The following ATRNL1 variants were observed in gnomAD, a reference collection of about 807,000 sequenced individuals.
The protein encoded by ATRNL1 is attractin-like protein 1.
ATRNL1 carries 95 observed loss-of-function variants against 182.7 expected under a neutral mutation model. That is an observed-to-expected ratio of 0.52 (90% CI 0.44 to 0.62). ATRNL1 has a LOEUF of 0.62. Among genes scored for constraint, ATRNL1 ranks in the 20% least tolerant of loss-of-function variants. The pLI, the probability that ATRNL1 is intolerant of heterozygous loss-of-function variation, is 0.00. For missense variants in ATRNL1, 1,471 were observed against 1,679.5 expected (o/e 0.88, Z 2.17); for synonymous variants, 576 against 568.3 (o/e 1.01, Z -0.19).
At chr10:115,890,390 T>C (rs1320125582) in intron 28 of ATRNL1, among the ~76,000 whole-genome samples, 2 of 152,202 alleles carry the variant, frequency 1.3e-5, no homozygotes, top group Admixed American at 6.5e-5. Context: ...TATGCATCTT[T>C]CTCTACCACT....
intron 27 of ATRNL1, among the ~76,000 whole-genome samples, chr10:115,764,717 G>C (rs1013175481): frequency 1.4e-4 from 21 of 152,034 alleles, no homozygotes; most frequent in African/African-American, 4.6e-4. Context: ...CTGTTGCCCA[G>C]GCTGGAGTGC....
intron 26 of ATRNL1, among the ~76,000 whole-genome samples, chr10:115,642,267 C>CAAAGTGTACAA: frequency 6.6e-6 from 1 of 152,208 alleles, no homozygotes; most frequent in South Asian, 2.1e-4. Context: ...ATAGGAAACA[C>CAAAGTGTACAA]TTACATATGA....
intron 8 of ATRNL1, among the ~76,000 whole-genome samples, chr10:115,207,261 C>T (rs1848834919): frequency 6.6e-6 from 1 of 152,082 alleles, no homozygotes; most frequent in Non-Finnish European, 1.5e-5. Flanking sequence ...GAGGAATCAC[C>T]ACACTGTCTT....
Position 115,383,479 on chromosome 10 carries a change from G to A in ATRNL1, c.3176-11180G>A, listed in dbSNP as rs370336627. ...TGTATAGTTAGATATTTGTATATGT[G>A]TATAAGACTTGCAGACATTTTCCCT... On this transcript the variant is annotated intron_variant, in intron 19 of 28. Coordinates refer to ENST00000355044, the MANE Select transcript of ATRNL1 (RefSeq NM_207303.4). Among the ~76,000 whole-genome samples the A allele has an allele frequency of 1.3e-3, 199 of 151,734 alleles. 2 individuals carry two copies. In the South Asian group the frequency reaches 0.024, roughly 18 times the overall value.
At chr10:115,621,369 A>G (rs1857762164) in intron 26 of ATRNL1, among the ~76,000 whole-genome samples, 1 of 150,532 alleles carries the variant, frequency 6.6e-6, no homozygotes, top group African/African-American at 2.5e-5. Context: ...AAGTAGCATA[A>G]TCATGGCTCA....
intron 27 of ATRNL1, among the ~76,000 whole-genome samples, chr10:115,773,377 C>T (rs375432260): frequency 6.6e-6 from 1 of 152,184 alleles, no homozygotes; most frequent in Non-Finnish European, 1.5e-5. Context: ...ACAAAGGGAG[C>T]ACAAGAAAAT....
intron 10 of ATRNL1, among the ~76,000 whole-genome samples, chr10:115,262,960 A>ACAGTTCCTCTTGTTTT (rs1851453252): frequency 6.6e-6 from 1 of 151,936 alleles, no homozygotes; most frequent in African/African-American, 2.4e-5. Flanking sequence ...AATCTAGTAA[A>ACAGTTCCTCTTGTTTT]ATCGAAGTTG....
At chr10:115,485,619 G>A (rs116044192) in intron 24 of ATRNL1, among the ~76,000 whole-genome samples, 5,562 of 151,910 alleles carry the variant, frequency 0.037, 306 homozygotes, top group African/African-American at 0.12. Flanking sequence ...CCTTTAACCA[G>A]TGTCCCTCCA....
intron 24 of ATRNL1, among the ~76,000 whole-genome samples, chr10:115,513,970 CTGAG>C (rs1850515273): frequency 6.6e-6 from 1 of 151,906 alleles, no homozygotes. Context: ...ATTTGTTACT[CTGAG>C]TGTCCCTTGC....
intron 15 of ATRNL1, among the ~76,000 whole-genome samples, chr10:115,289,371 A>G (rs1592386731): frequency 2.0e-5 from 3 of 152,108 alleles, no homozygotes; most frequent in Non-Finnish European, 4.4e-5. Context: ...TGCTGTGCAG[A>G]AGCTTTTTAT....
chr10:115,253,683 C>T (rs558251228), intron 10 of ATRNL1, among the ~76,000 whole-genome samples: 83 of 152,094 alleles, frequency 5.5e-4, no homozygotes, highest in African/African-American at 1.9e-3. Context: ...TGTGCCATGT[C>T]GGTTTGCTGC....
At chr10:115,731,832 A>G (rs1278734214) in intron 27 of ATRNL1, among the ~76,000 whole-genome samples, 1 of 45,014 alleles carries the variant, frequency 2.2e-5, no homozygotes, top group Non-Finnish European at 4.3e-5. Flanking sequence ...CCCCACACCC[A>G]TCTCCTAGCC....
chr10:115,515,469 G>C (rs1191488577), intron 24 of ATRNL1, among the ~76,000 whole-genome samples: 1 of 151,560 alleles, frequency 6.6e-6, no homozygotes, highest in African/African-American at 2.4e-5. Context: ...AGTTAAGCTT[G>C]TTTTGGCCAT....
At chr10:115,160,624 T>C (rs1554883054) in intron 6 of ATRNL1, among the ~76,000 whole-genome samples, 3 of 152,066 alleles carry the variant, frequency 2.0e-5, no homozygotes, top group African/African-American at 7.2e-5. Flanking sequence ...GTATGTGCTT[T>C]ACAAACTTTC....
In ATRNL1 at chr10:115,133,696, C is replaced by G. The variant is rs531603591; in HGVS notation, c.829+4161C>G. On this transcript the variant is annotated intron_variant, in intron 5 of 28. Transcript: ENST00000355044. The stretch of plus-strand genomic sequence containing the variant: ...TGAACTCAGCTCTGCACCAAGCGGA[C>G]CTAATAGACATCTACAGAACTCTCC... Among the ~76,000 whole-genome samples the G allele has an allele frequency of 3.3e-5, 5 of 152,254 alleles. No individual in the cohort carries two copies. The East Asian group carries it at 9.7e-4, about 29-fold the overall frequency.
intron 27 of ATRNL1, among the ~76,000 whole-genome samples, chr10:115,766,094 A>G (rs1274590959): frequency 1.3e-5 from 2 of 152,178 alleles, no homozygotes; most frequent in South Asian, 4.1e-4. Flanking sequence ...CAAAAAGCAG[A>G]GATTTTTTTT....
chr10:115,310,443 G>A (rs997706509), intron 17 of ATRNL1, among the ~76,000 whole-genome samples: 1 of 151,866 alleles, frequency 6.6e-6, no homozygotes, highest in African/African-American at 2.4e-5. Context: ...AGTATAATTC[G>A]GCTGTGAATC....
intron 25 of ATRNL1, among the ~76,000 whole-genome samples, chr10:115,549,171 C>A (rs17093239): frequency 1.3e-5 from 2 of 151,850 alleles, no homozygotes; most frequent in Non-Finnish European, 2.9e-5. Flanking sequence ...GTTGTGATTT[C>A]TGTTGCTTCA....
At chr10:115,287,194 T>C (rs1592383178) in intron 15 of ATRNL1, among the ~76,000 whole-genome samples, 1 of 152,036 alleles carries the variant, frequency 6.6e-6, no homozygotes, top group African/African-American at 2.4e-5. Context: ...TGCTTATTTC[T>C]ACAACTTAGT....
Sources: gnomAD v4.1 joint callset for allele counts (sites outside exome capture counted in the v4.1 genomes callset) on GRCh38, gnomAD v4.1.1 for gene constraint, MANE v1.5 for transcripts, NCBI Gene and HGNC (gene_info 2026-07-23, HGNC 2026-07-21) for gene names.